EIF3H: variants seen among roughly 807,000 people sequenced by gnomAD.
EIF3H encodes eIF-3-gamma.
In EIF3H, 26 loss-of-function variants were observed where a neutral mutation model predicts 44.2. That is an observed-to-expected ratio of 0.59 (90% CI 0.43 to 0.82). The LOEUF is 0.82. EIF3H is among the 40% of genes least tolerant of loss of function. The pLI is 0.00. For missense variants in EIF3H, 359 were observed against 432.8 expected (o/e 0.83, Z 1.51); for synonymous variants, 166 against 151.9 (o/e 1.09, Z -0.68).
intron 5 of EIF3H, among the ~76,000 whole-genome samples, chr8:116,652,104 G>A (rs1813403828): frequency 1.3e-5 from 2 of 152,198 alleles, no homozygotes; most frequent in South Asian, 2.1e-4. Context: ...CACGGACAGA[G>A]ATGAGCACAA....
intron 2 of EIF3H, among the ~76,000 whole-genome samples, chr8:116,685,466 G>A (rs1814060936): frequency 6.6e-6 from 1 of 152,282 alleles, no homozygotes; most frequent in Non-Finnish European, 1.5e-5. Flanking sequence ...TTCAGAACAC[G>A]TAGCTGTTCA....
chr8:116,755,211 T>A (rs930702799), intron 1 of EIF3H, among the ~76,000 whole-genome samples: 9 of 152,230 alleles, frequency 5.9e-5, no homozygotes, highest in Non-Finnish European at 1.0e-4. Flanking sequence ...AGCGCCGAAG[T>A]ACAGGCTCAA....
rs575762148 is a variant in EIF3H, at chr8:116,644,775, T to C, written c.*231A>G. 16 of 487,898 alleles carry C rather than the reference T, an allele frequency of 3.3e-5. No homozygotes were observed. The highest frequency in any genetic ancestry group is 2.6e-4 in the Admixed American group (8 of 30,462). 30.2% of individuals were successfully genotyped at this position (487,898 alleles called of 1,614,324 possible). A position where few individuals can be genotyped will look rare whatever the true frequency, so the allele number is the denominator to read the frequency against. ...GTTTTAGCTTTTAGAAATAAACAAG[T>C]ATAAGCAAACAAAAGTAAGCCAGAG... On this transcript the variant is annotated 3_prime_UTR_variant, in exon 8 of 8. Transcript: ENST00000521861.
intron 5 of EIF3H, among the ~76,000 whole-genome samples, chr8:116,651,549 T>TCC (rs1813394143): frequency 6.6e-6 from 1 of 152,220 alleles, no homozygotes; most frequent in South Asian, 2.1e-4. Context: ...TATCTTTTAA[T>TCC]CCCAGCCTGG....
rs570367213 is a variant in EIF3H at position 116,644,508 on chromosome 8, G to C, written c.*498C>G. 5.2e-5 allele frequency: 8 copies of C among 153,974 alleles called. No homozygotes were observed. The South Asian group carries it at 1.4e-3, about 27-fold the overall frequency. 9.5% of individuals were successfully genotyped at this position (153,974 alleles called of 1,614,324 possible). Reference sequence around the variant, plus strand: ...GACCGGAATTAGGCCAAGTGATTCCGGGTCCGGGGACAAGGAATTCCTGGG... The same window carrying C: ...GACCGGAATTAGGCCAAGTGATTCCCGGTCCGGGGACAAGGAATTCCTGGG... On this transcript the variant is annotated 3_prime_UTR_variant, in exon 8 of 8. Transcript: ENST00000521861.
At chr8:116,685,750 A>G (rs1314219408) in intron 2 of EIF3H, among the ~76,000 whole-genome samples, 3 of 152,172 alleles carry the variant, frequency 2.0e-5, no homozygotes, top group African/African-American at 7.2e-5. Flanking sequence ...TTAACTTTCA[A>G]TTTTCGACCA....
intron 1 of EIF3H, among the ~76,000 whole-genome samples, chr8:116,734,561 GTTGT>G (rs1159399530): frequency 6.6e-6 from 1 of 152,082 alleles, no homozygotes. Context: ...CTGGCAGAAA[GTTGT>G]TTGTTTTTGA....
At chr8:116,669,240 C>T (rs1294475103) in intron 2 of EIF3H, among the ~76,000 whole-genome samples, 1 of 152,088 alleles carries the variant, frequency 6.6e-6, no homozygotes, top group Non-Finnish European at 1.5e-5. Context: ...AAGAGACAAG[C>T]TACAGAAATT....
chr8:116,647,074 C>T (rs993488631), intron 6 of EIF3H, among the ~76,000 whole-genome samples: 6 of 152,012 alleles, frequency 3.9e-5, no homozygotes, highest in Admixed American at 1.3e-4. Context: ...ACTACTGTTA[C>T]GGCTTTTTTT....
At chr8:116,733,061 G>C (rs1814978246) in intron 1 of EIF3H, among the ~76,000 whole-genome samples, 1 of 152,090 alleles carries the variant, frequency 6.6e-6, no homozygotes. Context: ...TTATAAATCA[G>C]GAGTTCCCAC....
At chr8:116,744,698 T>C (rs1815203059) in intron 1 of EIF3H, among the ~76,000 whole-genome samples, 1 of 152,174 alleles carries the variant, frequency 6.6e-6, no homozygotes, top group Non-Finnish European at 1.5e-5. Context: ...CCTTGCCAAA[T>C]AAAATAACAT....
intron 1 of EIF3H, among the ~76,000 whole-genome samples, chr8:116,737,967 G>A (rs777396857): frequency 8.6e-5 from 13 of 150,348 alleles, no homozygotes; most frequent in Non-Finnish European, 1.6e-4. Context: ...CCCAGGAAGC[G>A]GAGGTTGCAA....
At chr8:116,705,496 C>T (rs557483227) in intron 2 of EIF3H, among the ~76,000 whole-genome samples, 7 of 126,292 alleles carry the variant, frequency 5.5e-5, no homozygotes, top group Admixed American at 1.5e-4. Flanking sequence ...GTTACACCCC[C>T]CCCCACCACC....
At chr8:116,694,528 T>C (rs1243068498) in intron 2 of EIF3H, among the ~76,000 whole-genome samples, 2 of 152,246 alleles carry the variant, frequency 1.3e-5, no homozygotes, top group African/African-American at 2.4e-5. Context: ...CAGTGCTAAA[T>C]TGCGATAATT....
intron 1 of EIF3H, among the ~76,000 whole-genome samples, chr8:116,737,510 G>T (rs1815061612): frequency 6.6e-6 from 1 of 151,768 alleles, no homozygotes; most frequent in Non-Finnish European, 1.5e-5. Flanking sequence ...CAAAATATTG[G>T]CCAGATATGG....
intron 2 of EIF3H, among the ~76,000 whole-genome samples, chr8:116,698,510 A>C (rs981952738): frequency 6.6e-6 from 1 of 152,218 alleles, no homozygotes; most frequent in African/African-American, 2.4e-5. Context: ...ATACTTACAA[A>C]AAGCCTTCAT....
intron 1 of EIF3H, among the ~76,000 whole-genome samples, chr8:116,746,079 C>G (rs1482122868): frequency 6.6e-6 from 1 of 152,140 alleles, no homozygotes; most frequent in Non-Finnish European, 1.5e-5. Flanking sequence ...TATGTGAACT[C>G]AGCAGTTTAA....
At chr8:116,653,635 ATCCT>A (rs1173975613) in intron 5 of EIF3H, among the ~76,000 whole-genome samples, 1 of 152,150 alleles carries the variant, frequency 6.6e-6, no homozygotes, top group African/African-American at 2.4e-5. Flanking sequence ...TATGCTTATA[ATCCT>A]TAATGTATGA....
At chr8:116,668,238 G>C (rs1204804579) in intron 2 of EIF3H, among the ~76,000 whole-genome samples, 1 of 152,162 alleles carries the variant, frequency 6.6e-6, no homozygotes, top group Non-Finnish European at 1.5e-5. Context: ...GAAAAAAGCA[G>C]AATATAAAAC....
Sources: allele counts gnomAD v4.1 joint callset (sites outside exome capture counted in the v4.1 genomes callset), GRCh38; gene constraint gnomAD v4.1.1; transcripts MANE v1.5; gene names NCBI Gene and HGNC (gene_info 2026-07-23, HGNC 2026-07-21).